Variants in OXR1 observed in about 807,000 individuals in gnomAD.
OXR1 encodes oxidation resistance protein 1.
A neutral mutation model predicts 104.6 loss-of-function variants in OXR1; 41 were observed. The ratio of observed to expected loss-of-function variants is 0.39; its 90% CI spans 0.31 to 0.51. The LOEUF is 0.51. Among genes scored for constraint, OXR1 ranks in the 20% least tolerant of loss-of-function variants. OXR1 has a pLI of 0.77. For synonymous variants in OXR1, 348 were observed against 348.4 expected, an observed-to-expected ratio of 1.00 and a Z score of 0.01; for missense variants, 955 against 1,031.9, an observed-to-expected ratio of 0.93 and a Z score of 1.02.
chr8:106,557,062 T>C (rs1438682698), intron 3 of OXR1, among the ~76,000 whole-genome samples: 2 of 152,340 alleles, frequency 1.3e-5, no homozygotes, highest in African/African-American at 4.8e-5. Context: ...TTCTTTCTTT[T>C]TCTTCTCACA....
chr8:106,550,704 C>T (rs1037125994), intron 3 of OXR1, among the ~76,000 whole-genome samples: 3 of 152,112 alleles, frequency 2.0e-5, no homozygotes, highest in African/African-American at 7.2e-5. Context: ...AGACATGCCT[C>T]TTCCCCTTCC....
Position 106,658,276 on chromosome 8 carries a change from G to T in OXR1, c.221-20934G>T, listed in dbSNP as rs552478493. On this transcript the variant is annotated intron_variant, in intron 3 of 16. Coordinates refer to ENST00000517566, the MANE Select transcript of OXR1 (RefSeq NM_001198533.2). ...GTCGTGGCGCCGGGCGGGGGTCGCT[G>T]CCCGGCTCTGGCAGGTGTGCCTGGG... 3.9e-4 allele frequency: 469 copies of T among 1,216,842 alleles called. No homozygotes were observed. The African/African-American group carries it at 6.2e-3, about 16-fold the overall frequency. The allele number at this position is 1,216,842 out of a possible 1,614,324, so 75.4% of individuals were successfully genotyped here.
rs1812724168 is a variant in OXR1 at position 106,290,949 on chromosome 8, G to A, written c.-139+20582G>A. On this transcript the variant is annotated intron_variant, in intron 1 of 16. Transcript: ENST00000517566. ...CCACTAATCCCATTGCTTGGTATAT[G>A]GCCAAAAGAAAATAGATCATTCTAC... 3.9e-5 allele frequency among the ~76,000 whole-genome samples: 6 copies of A among 152,158 alleles called. No individual in the cohort carries two copies. The South Asian group carries it at 1.0e-3, about 26-fold the overall frequency.
In OXR1 at chr8:106,403,915, C is replaced by T. The variant is rs529419081; in HGVS notation, c.23+44279C>T. 2.4e-4 allele frequency among the ~76,000 whole-genome samples: 36 copies of T among 152,236 alleles called. No individual in the cohort carries two copies. The East Asian group carries it at 6.8e-3, about 29-fold the overall frequency. ...ACACTTTGAACCTCACCTTTAGGGG[C>T]CTGTTGGGTCTTAAATCTTGTTATA... is the stretch of plus-strand genomic sequence containing the variant. On this transcript the variant is annotated intron_variant, in intron 2 of 16. Coordinates refer to ENST00000517566, the MANE Select transcript of OXR1 (RefSeq NM_001198533.2).
At chr8:106,316,720 CT>C (rs1461032154) in intron 1 of OXR1, among the ~76,000 whole-genome samples, 178 of 11,496 alleles carry the variant, frequency 0.015, no homozygotes, top group East Asian at 0.086. Context: ...TATCTATCAT[CT>C]ATCTATCTAT....
At chr8:106,399,293 TC>T (rs1817908838) in intron 2 of OXR1, among the ~76,000 whole-genome samples, 1 of 152,192 alleles carries the variant, frequency 6.6e-6, no homozygotes, top group Non-Finnish European at 1.5e-5. Flanking sequence ...CTCTATTTTC[TC>T]AGTTTTATTG....
intron 2 of OXR1, among the ~76,000 whole-genome samples, chr8:106,391,180 T>G (rs1430538679): frequency 1.3e-5 from 2 of 152,234 alleles, no homozygotes; most frequent in African/African-American, 4.8e-5. Flanking sequence ...GACTTGATAA[T>G]TATTGAATCA....
intron 3 of OXR1, among the ~76,000 whole-genome samples, chr8:106,661,489 T>C (rs544998617): frequency 2.0e-5 from 3 of 152,228 alleles, no homozygotes; most frequent in Admixed American, 6.5e-5. Context: ...GCTTTGATTT[T>C]AAAAAATTGT....
chr8:106,522,597 G>A (rs1394247966), intron 3 of OXR1: 1 of 152,150 alleles, frequency 6.6e-6, no homozygotes, highest in Non-Finnish European at 1.5e-5. Context: ...TGAATCTTCA[G>A]ATAAAAGGAA....
At chr8:106,681,363 T>C (rs774662465) in intron 4 of OXR1, among the ~76,000 whole-genome samples, 2 of 152,194 alleles carry the variant, frequency 1.3e-5, no homozygotes, top group African/African-American at 2.4e-5. Flanking sequence ...TAGATTATTA[T>C]TGTATTAACC....
chr8:106,276,379 T>C (rs1394284337), intron 1 of OXR1, among the ~76,000 whole-genome samples: 1 of 152,182 alleles, frequency 6.6e-6, no homozygotes, highest in Non-Finnish European at 1.5e-5. Flanking sequence ...AAAGACTGAC[T>C]GATGAGCCAG....
chr8:106,720,022 G>C (rs1832688817), intron 11 of OXR1, among the ~76,000 whole-genome samples: 1 of 152,072 alleles, frequency 6.6e-6, no homozygotes, highest in Non-Finnish European at 1.5e-5. Context: ...TAGCTAGGAT[G>C]GTCTCAATCT....
chr8:106,734,474 A>G (rs1032326603), intron 11 of OXR1, among the ~76,000 whole-genome samples: 7 of 152,208 alleles, frequency 4.6e-5, no homozygotes, highest in Non-Finnish European at 8.8e-5. Flanking sequence ...AGTAGTAAAA[A>G]TGGCACATTG....
intron 3 of OXR1, among the ~76,000 whole-genome samples, chr8:106,619,406 A>G (rs933125005): frequency 2.0e-5 from 3 of 152,152 alleles, no homozygotes; most frequent in Admixed American, 2.0e-4. Flanking sequence ...ATCTAATTTC[A>G]TTTTTCCAGT....
intron 7 of OXR1, among the ~76,000 whole-genome samples, chr8:106,699,169 A>AT (rs888762651): frequency 2.6e-4 from 39 of 151,474 alleles, no homozygotes; most frequent in East Asian, 1.9e-4. Flanking sequence ...TAAATACAAG[A>AT]TTTTTTTTTG....
intron 2 of OXR1, among the ~76,000 whole-genome samples, chr8:106,422,161 C>A (rs1818929836): frequency 6.6e-6 from 1 of 152,122 alleles, no homozygotes; most frequent in South Asian, 2.1e-4. Context: ...ACTAGTTCTA[C>A]ATAGGACATC....
chr8:106,463,944 A>G (rs1821043381), intron 2 of OXR1, among the ~76,000 whole-genome samples: 1 of 152,154 alleles, frequency 6.6e-6, no homozygotes, highest in Non-Finnish European at 1.5e-5. Context: ...CAGTTTCTTC[A>G]TAGATACATA....
intron 1 of OXR1, among the ~76,000 whole-genome samples, chr8:106,288,592 C>T (rs11779023): frequency 0.33 from 44,007 of 132,694 alleles, 6,876 homozygotes; most frequent in East Asian, 0.59. Context: ...ATATACACAC[C>T]ATATATATAC....
intron 3 of OXR1, among the ~76,000 whole-genome samples, chr8:106,665,418 A>G (rs553803725): frequency 6.6e-6 from 1 of 152,324 alleles, no homozygotes; most frequent in South Asian, 2.1e-4. Flanking sequence ...AACAATGATA[A>G]CAAAACGATG....
Sources: gnomAD v4.1 joint callset for allele counts (sites outside exome capture counted in the v4.1 genomes callset) on GRCh38, gnomAD v4.1.1 for gene constraint, MANE v1.5 for transcripts, NCBI Gene and HGNC (gene_info 2026-07-23, HGNC 2026-07-21) for gene names.